Variants in LDLRAD3 observed in about 807,000 individuals in gnomAD.
LDLRAD3 encodes the protein low-density lipoprotein receptor class A domain-containing protein 3.
In LDLRAD3, 20 loss-of-function variants were observed where a neutral mutation model predicts 29.4. The observed-to-expected ratio is 0.68, with a 90% CI of 0.48 to 0.99. The LOEUF (loss-of-function observed/expected upper bound fraction) is 0.99, where lower values mean the gene tolerates loss of function less well. Among genes scored for constraint, LDLRAD3 ranks in the 50% least tolerant of loss-of-function variants. The pLI is 0.00. For synonymous variants in LDLRAD3, 157 were observed against 192.7 expected (o/e 0.81, Z 1.53); for missense variants, 420 against 454.3 (o/e 0.92, Z 0.69).
intron 1 of LDLRAD3, among the ~76,000 whole-genome samples, chr11:36,035,407 TG>T (rs1852290961): frequency 6.6e-6 from 1 of 152,156 alleles, no homozygotes; most frequent in Non-Finnish European, 1.5e-5. Flanking sequence ...CTGTTCGGGT[TG>T]GGGGCTTTGG....
In LDLRAD3 at chr11:36,229,245, C is replaced by T. The variant is rs144622150; in HGVS notation, c.886C>T (p.Arg296Trp). The change falls in exon 6 of 6, where the codon CGG becomes TGG. Residue 296 changes from arginine (R) to tryptophan (W), a missense_variant. This residue lies in a region of LDLRAD3 where 140 missense variants were observed against 139.9 expected (regional missense o/e 1.00). Transcript: ENST00000315571. ...AGCCGACCTGCCCCCCTACCGCTCC[C>T]GGTCCGGGAGTGCCAACAGTGCCAG... The part of the protein sequence containing the change: ...NQADLPPYRS[R>W]SGSANSASSQ... The T allele has an allele frequency of 3.7e-5, 59 of 1,614,118 alleles. No individual in the cohort carries two copies. The East Asian group carries it at 8.0e-4, about 22-fold the overall frequency.
intron 4 of LDLRAD3, among the ~76,000 whole-genome samples, chr11:36,102,346 A>G (rs1285161083): frequency 6.6e-6 from 1 of 152,150 alleles, no homozygotes; most frequent in African/African-American, 2.4e-5. Flanking sequence ...GGAGAAAATG[A>G]TATTTTATCA....
At chr11:36,062,994 T>C (rs1323902357) in intron 2 of LDLRAD3, among the ~76,000 whole-genome samples, 1 of 152,220 alleles carries the variant, frequency 6.6e-6, no homozygotes, top group African/African-American at 2.4e-5. Context: ...AAGGAAACGA[T>C]TATGATGAAT....
rs201306256 is a variant in LDLRAD3, at chr11:36,197,144, C to T, written c.455-29941C>T. Reference sequence around the variant, plus strand: ...GAACCATGTATGGGGCATTTTTCTTCAGAGTCAAGCACTGCTGTCTGAAAA... The same window carrying T: ...GAACCATGTATGGGGCATTTTTCTTTAGAGTCAAGCACTGCTGTCTGAAAA... On this transcript the variant is annotated intron_variant, in intron 4 of 5. Coordinates refer to ENST00000315571, the MANE Select transcript of LDLRAD3 (RefSeq NM_174902.4). 11 of 152,304 alleles carry T rather than the reference C, an allele frequency of 7.2e-5. No homozygotes were observed. In the East Asian group the frequency reaches 2.1e-3, roughly 29 times the overall value. The allele number at this position is 152,304 out of a possible 1,614,324, so 9.4% of individuals were successfully genotyped here.
intron 1 of LDLRAD3, among the ~76,000 whole-genome samples, chr11:35,977,640 T>C (rs1246074929): frequency 6.6e-6 from 1 of 152,102 alleles, no homozygotes; most frequent in African/African-American, 2.4e-5. Flanking sequence ...CCTTTCAAGC[T>C]GCTATAACAA....
At chr11:35,963,190 C>A (rs1460491374) in intron 1 of LDLRAD3, among the ~76,000 whole-genome samples, 3 of 152,182 alleles carry the variant, frequency 2.0e-5, no homozygotes, top group Non-Finnish European at 4.4e-5. Context: ...TGTATGAAAC[C>A]AACCAACGGT....
At chr11:36,198,292 A>G (rs963120179) in intron 4 of LDLRAD3, among the ~76,000 whole-genome samples, 1 of 152,070 alleles carries the variant, frequency 6.6e-6, no homozygotes, top group Non-Finnish European at 1.5e-5. Context: ...CACATTGCAT[A>G]TAATTTATCC....
intron 1 of LDLRAD3, among the ~76,000 whole-genome samples, chr11:36,010,947 A>G (rs1487934294): frequency 3.9e-5 from 6 of 152,152 alleles, no homozygotes; most frequent in Non-Finnish European, 7.3e-5. Context: ...CTGGGATTGC[A>G]GGCATGCACC....
intron 1 of LDLRAD3, chr11:35,997,400 T>C: frequency 2.3e-6 from 1 of 429,860 alleles, no homozygotes; most frequent in African/African-American, 2.0e-5. Context: ...TTTCTGTTTC[T>C]TTCCATCTCT....
At chr11:36,106,258 T>C (rs1459336428) in intron 4 of LDLRAD3, among the ~76,000 whole-genome samples, 1 of 152,144 alleles carries the variant, frequency 6.6e-6, no homozygotes, top group Non-Finnish European at 1.5e-5. Flanking sequence ...GACCTCATTA[T>C]CTCTCTCTAC....
intron 2 of LDLRAD3, among the ~76,000 whole-genome samples, chr11:36,078,877 C>A (rs2096108127): frequency 6.6e-6 from 1 of 152,194 alleles, no homozygotes; most frequent in Admixed American, 6.5e-5. Context: ...CCCCAGTCAA[C>A]CCCACACAAA....
intron 2 of LDLRAD3, among the ~76,000 whole-genome samples, chr11:36,069,338 C>G (rs1430784965): frequency 1.3e-5 from 2 of 152,130 alleles, no homozygotes; most frequent in Non-Finnish European, 2.9e-5. Flanking sequence ...GCTTTCTTGT[C>G]CCCAACCATG....
At chr11:35,986,697 C>T (rs950289995) in intron 1 of LDLRAD3, among the ~76,000 whole-genome samples, 1 of 152,234 alleles carries the variant, frequency 6.6e-6, no homozygotes, top group African/African-American at 2.4e-5. Flanking sequence ...TTGCCAGCTC[C>T]TCTGTTCACC....
At chr11:36,083,479 AC>A (rs1853147285) in intron 3 of LDLRAD3, among the ~76,000 whole-genome samples, 1 of 152,210 alleles carries the variant, frequency 6.6e-6, no homozygotes, top group African/African-American at 2.4e-5. Context: ...TGTTGGAGAT[AC>A]TAGATTGCTG....
intron 4 of LDLRAD3, among the ~76,000 whole-genome samples, chr11:36,099,944 C>G (rs575378720): frequency 1.3e-5 from 2 of 152,058 alleles, no homozygotes; most frequent in East Asian, 1.9e-4. Flanking sequence ...TTTCTTGGGT[C>G]GACTCTTCAC....
At chr11:36,065,975 C>T (rs1852785420) in intron 2 of LDLRAD3, among the ~76,000 whole-genome samples, 1 of 152,104 alleles carries the variant, frequency 6.6e-6, no homozygotes, top group Non-Finnish European at 1.5e-5. Context: ...GAAGGAAAAC[C>T]TCAAGGTTTG....
intron 1 of LDLRAD3, among the ~76,000 whole-genome samples, chr11:36,018,538 G>T (rs1192635112): frequency 1.3e-5 from 2 of 151,414 alleles, no homozygotes; most frequent in African/African-American, 4.9e-5. Flanking sequence ...TACAAGTGAT[G>T]CTATAAATAA....
intron 4 of LDLRAD3, among the ~76,000 whole-genome samples, chr11:36,167,317 C>T (rs1854529068): frequency 6.6e-6 from 1 of 152,168 alleles, no homozygotes; most frequent in African/African-American, 2.4e-5. Flanking sequence ...AGATGTTAAT[C>T]TCATCTGAAG....
intron 5 of LDLRAD3, among the ~76,000 whole-genome samples, chr11:36,228,958 C>T (rs1855535897): frequency 6.6e-6 from 1 of 152,234 alleles, no homozygotes; most frequent in African/African-American, 2.4e-5. Flanking sequence ...CAACACCAAC[C>T]AGCCAGAACA....
Sources: allele counts gnomAD v4.1 joint callset (sites outside exome capture counted in the v4.1 genomes callset), GRCh38; gene constraint gnomAD v4.1.1; regional missense constraint gnomAD v4.1.1; transcripts MANE v1.5; gene names NCBI Gene and HGNC (gene_info 2026-07-23, HGNC 2026-07-21).